The following ZCCHC17 variants were observed in gnomAD, a reference collection of about 807,000 sequenced individuals.
ZCCHC17 encodes zinc finger CCHC domain-containing protein 17.
Under a neutral mutation model 30.6 loss-of-function variants are expected in ZCCHC17, and 18 were observed. That is an observed-to-expected ratio of 0.59 (90% CI 0.41 to 0.87). ZCCHC17 has a LOEUF of 0.87. ZCCHC17 is among the 40% of genes least tolerant of loss of function. The pLI is 0.00. For missense variants in ZCCHC17, 263 were observed against 284.2 expected (o/e 0.93, Z 0.54); for synonymous variants, 88 against 92.4 (o/e 0.95, Z 0.27).
intron 3 of ZCCHC17, among the ~76,000 whole-genome samples, chr1:31,321,089 A>G (rs1646849477): frequency 6.6e-6 from 1 of 152,036 alleles, no homozygotes. Context: ...GGAAATGTCT[A>G]TTCAAATCTG....
intron 2 of ZCCHC17, among the ~76,000 whole-genome samples, chr1:31,318,846 T>G (rs893647727): frequency 6.6e-6 from 1 of 152,222 alleles, no homozygotes; most frequent in African/African-American, 2.4e-5. Flanking sequence ...TTACTAGGTA[T>G]AGGATTTGGG....
chr1:31,325,654 G>A lies in ZCCHC17; in HGVS notation c.124+6488G>A, dbSNP rs1569824008. On this transcript the variant is annotated intron_variant, in intron 3 of 7. Transcript: ENST00000344147. Reference sequence around the variant, plus strand: ...TCCGAGCCTGGCTCGCCCTTGGCAGGTGTGGGATCTGGGACGGCAGCATGA... The same window carrying A: ...TCCGAGCCTGGCTCGCCCTTGGCAGATGTGGGATCTGGGACGGCAGCATGA... Among the ~76,000 whole-genome samples the A allele has an allele frequency of 2.6e-5, 4 of 152,362 alleles. No homozygotes were observed. The South Asian group carries it at 8.3e-4, about 32-fold the overall frequency.
chr1:31,303,292 A>C (rs1209580098), intron 1 of ZCCHC17, among the ~76,000 whole-genome samples: 1 of 152,126 alleles, frequency 6.6e-6, no homozygotes, highest in African/African-American at 2.4e-5. Flanking sequence ...AAAACAAAAA[A>C]CAAAGCAAAC....
rs375040559 is a variant in ZCCHC17, at chr1:31,348,982, C to G, written c.564+8C>G. The G allele has an allele frequency of 1.3e-6, 2 of 1,560,538 alleles. No homozygotes were observed. Among genetic ancestry groups the G allele is most frequent in the African/African-American group, 2.8e-5 (2 of 72,184 alleles). On this transcript the variant is annotated splice_region_variant and intron_variant, in intron 7 of 7. Transcript: ENST00000344147. ...TCTAGAAAAAGAAAGAAGGTGAATG[C>G]TACTTTGCTTTTATTTTATCATGTC...
chr1:31,354,438 G>T (rs1334755145), intron 7 of ZCCHC17, among the ~76,000 whole-genome samples: 1 of 151,778 alleles, frequency 6.6e-6, no homozygotes, highest in Non-Finnish European at 1.5e-5. Flanking sequence ...GAGTCTTGCT[G>T]TATCACCCAG....
At chr1:31,337,120 G>A in intron 3 of ZCCHC17, 55 bp from the exon 4 acceptor site, 2 of 1,513,734 alleles carry the variant, frequency 1.3e-6, no homozygotes, top group South Asian at 2.3e-5. Flanking sequence ...CCAGTTTAGA[G>A]TATAAATACC....
intron 2 of ZCCHC17, among the ~76,000 whole-genome samples, chr1:31,313,736 T>C (rs922414745): frequency 6.6e-6 from 1 of 152,192 alleles, no homozygotes; most frequent in Non-Finnish European, 1.5e-5. Context: ...TTTCTGATCA[T>C]GAAGCCCTCA....
chr1:31,353,106 A>G (rs1009349136), intron 7 of ZCCHC17, among the ~76,000 whole-genome samples: 1 of 152,220 alleles, frequency 6.6e-6, no homozygotes, highest in African/African-American at 2.4e-5. Context: ...TTTGATTTGC[A>G]TTTCCCTAAT....
chr1:31,363,964 A>G (rs1640031180), intron 7 of ZCCHC17, 68 bp from the exon 8 acceptor site: 7 of 1,570,424 alleles, frequency 4.5e-6, no homozygotes, highest in East Asian at 4.5e-5. Context: ...CACCTGGCCA[A>G]TTATGTGCTA....
At chr1:31,322,920 C>G (rs1646893413) in intron 3 of ZCCHC17, among the ~76,000 whole-genome samples, 1 of 152,202 alleles carries the variant, frequency 6.6e-6, no homozygotes, top group Non-Finnish European at 1.5e-5. Flanking sequence ...CGGGGTTTCA[C>G]TATGTTGGCT....
intron 1 of ZCCHC17, among the ~76,000 whole-genome samples, chr1:31,299,724 A>C (rs4622114): frequency 1.3e-5 from 2 of 151,952 alleles, no homozygotes; most frequent in African/African-American, 4.8e-5. Flanking sequence ...TTTTATTGCA[A>C]TACATCCCTT....
chr1:31,304,361 G>A (rs4332397), intron 1 of ZCCHC17, among the ~76,000 whole-genome samples: 82,888 of 151,076 alleles, frequency 0.55, 23,544 homozygotes, highest in Non-Finnish European at 0.62. Context: ...TCGGCTCGCT[G>A]CAACCTCCAC....
intron 1 of ZCCHC17, among the ~76,000 whole-genome samples, chr1:31,303,903 A>T (rs917563097): frequency 6.6e-6 from 1 of 152,192 alleles, no homozygotes; most frequent in African/African-American, 2.4e-5. Flanking sequence ...GGGCTGCTCC[A>T]GTGTGTGCCT....
At chr1:31,303,113 C>A (rs891280966) in intron 1 of ZCCHC17, among the ~76,000 whole-genome samples, 1 of 146,848 alleles carries the variant, frequency 6.8e-6, no homozygotes, top group Non-Finnish European at 1.5e-5. Context: ...CCAGTCTCTA[C>A]CCCCCCTCAA....
intron 1 of ZCCHC17, among the ~76,000 whole-genome samples, chr1:31,307,710 G>A (rs914187288): frequency 5.3e-5 from 8 of 152,050 alleles, no homozygotes; most frequent in East Asian, 3.9e-4. Flanking sequence ...AAGTAGTTGG[G>A]ACCACAGGTG....
intron 2 of ZCCHC17, among the ~76,000 whole-genome samples, chr1:31,314,589 A>G (rs1258155436): frequency 6.6e-6 from 1 of 152,222 alleles, no homozygotes; most frequent in Admixed American, 6.5e-5. Context: ...GGGATTAATA[A>G]ATGGCAAAGC....
chr1:31,310,134 G>A lies in ZCCHC17; in HGVS notation c.36G>A (p.Leu12=), dbSNP rs759519274. 1 of 1,614,090 alleles carries A rather than the reference G, an allele frequency of 6.2e-7. No individual in the cohort carries two copies. The highest frequency in any genetic ancestry group is 2.2e-5 in the East Asian group (1 of 44,872). The change falls in exon 2 of 8, where the codon TTG becomes TTA. Residue 12 remains leucine, a synonymous_variant. Coordinates refer to ENST00000344147, the MANE Select transcript of ZCCHC17 (RefSeq NM_016505.4). ...GAAGGCCTGAGACCATGGAAAACTT[G>A]CCTGCTCTCTACACTATTTTCCAAG... ...NSGRPETMEN[L]PALYTIFQGE...
At chr1:31,315,090 C>T (rs1243029947) in intron 2 of ZCCHC17, among the ~76,000 whole-genome samples, 8 of 152,158 alleles carry the variant, frequency 5.3e-5, no homozygotes, top group Non-Finnish European at 4.4e-5. Flanking sequence ...ATTATTATTA[C>T]TTGTATGTGT....
At chr1:31,303,255 C>T (rs1646363889) in intron 1 of ZCCHC17, among the ~76,000 whole-genome samples, 1 of 152,152 alleles carries the variant, frequency 6.6e-6, no homozygotes, top group African/African-American at 2.4e-5. Flanking sequence ...GCACTCCGGC[C>T]TGGACAACAG....
Sources: gnomAD v4.1 joint callset for allele counts (sites outside exome capture counted in the v4.1 genomes callset) on GRCh38, gnomAD v4.1.1 for gene constraint, MANE v1.5 for transcripts, NCBI Gene and HGNC (gene_info 2026-07-23, HGNC 2026-07-21) for gene names.